Variants in WDR24 observed in about 807,000 individuals in gnomAD.
WDR24 encodes the protein GATOR2 complex protein WDR24.
WDR24 carries 32 observed loss-of-function variants against 66.7 expected under a neutral mutation model. That is an observed-to-expected ratio of 0.48 (90% confidence interval 0.36 to 0.64). WDR24 has a LOEUF of 0.64. Among genes scored for constraint, WDR24 ranks in the 30% least tolerant of loss-of-function variants. The pLI is 0.00. For synonymous variants in WDR24, 565 were observed against 469.1 expected, an observed-to-expected ratio of 1.20 and a Z score of -2.64; for missense variants, 978 against 1,144.1, an observed-to-expected ratio of 0.85 and a Z score of 2.09.
chr16:687,498 C>T, intron 2 of WDR24, 64 bp downstream of exon 2: 1 of 1,592,706 alleles, frequency 6.3e-7, no homozygotes, highest in Non-Finnish European at 8.6e-7. Flanking sequence ...TCCGGACTGT[C>T]TCATGGATCT....
chr16:687,334 C>T lies in WDR24; in HGVS notation c.742G>A (p.Val248Met), dbSNP rs748211217. ...CGGGCCACCGAGGCGATGGTCTGCA[C>T]ACAGTGCATCTCCTTGGCACGGTGC... ...TTHRAKEMHC[V>M]QTIASVARVK... Residue 248 changes from valine (V) to methionine (M), a missense_variant, in exon 3 of 9, where the codon GTG becomes ATG. Physicochemically the swap from Val to Met is conservative, Grantham distance 21 (BLOSUM62 1). Around this residue, in one of 2 missense-constraint regions of WDR24, gnomAD observed 302 missense variants for 526.6 expected, o/e 0.57. Coordinates refer to ENST00000293883, the MANE Select transcript of WDR24 (RefSeq NM_032259.4). 5 of 1,609,682 alleles carry T rather than the reference C, an allele frequency of 3.1e-6. No individual in the cohort carries two copies. The highest frequency in any genetic ancestry group is 4.2e-6 in the Non-Finnish European group (5 of 1,178,804).
chr16:688,167 T>G, intron 1 of WDR24: 1 of 439,594 alleles, frequency 2.3e-6, no homozygotes, highest in Non-Finnish European at 4.6e-6. Flanking sequence ...GAGCTGGAAC[T>G]GCCTGGTCAG....
In WDR24 at chr16:684,735, CAGG is replaced by C. The variant is rs2039863245; in HGVS notation, c.2369_2371del (p.Ser790del). The C allele has an allele frequency of 6.3e-7, 1 of 1,592,362 alleles. No homozygotes were observed. Among genetic ancestry groups the C allele is most frequent in the Non-Finnish European group, 8.5e-7 (1 of 1,170,148 alleles). The stretch of plus-strand genomic sequence containing the variant: ...CGGGCAAGCCCAGCAGATGCCCCGT[CAGG>C]AGTACTCGCAGAGGTGGCCGCAGCC... On this transcript the variant is annotated inframe_deletion, in exon 9 of 9. Coordinates refer to ENST00000293883, the MANE Select transcript of WDR24 (RefSeq NM_032259.4).
chr16:685,221 C>A (rs760598918), intron 7 of WDR24, 36 bp downstream of exon 7: 3 of 1,595,890 alleles, frequency 1.9e-6, no homozygotes, highest in Non-Finnish European at 2.6e-6. Context: ...GTGCCAGGGG[C>A]GGCGCTGCAG....
rs546343586 is a variant in WDR24 at position 689,092 on chromosome 16, C to G, written c.481+68G>C. The G allele has an allele frequency of 1.9e-6, 3 of 1,581,100 alleles. No individual in the cohort carries two copies. The African/African-American group carries it at 4.0e-5, about 21-fold the overall frequency. ...GCCTCTGATGCACGGAGCCCTTTTC[C>G]GCCTGCATGGACAGGCTGGGCACCG... On this transcript the variant is annotated intron_variant, in intron 1 of 8. Transcript: ENST00000293883.
chr16:688,743 C>G lies in WDR24; in HGVS notation c.481+417G>C, dbSNP rs373268574. Among the ~76,000 whole-genome samples, 16 of 152,380 alleles carry G rather than the reference C, an allele frequency of 1.1e-4. No homozygotes were observed. In the East Asian group the frequency reaches 2.1e-3, roughly 20 times the overall value. On this transcript the variant is annotated intron_variant, in intron 1 of 8. Transcript: ENST00000293883. ...CTGTTAGGAAAAGGGCCCCAGGGCACTGGACAGCAAACCCACCTCCTCTGC... is the reference window on the plus strand; with the variant it reads ...CTGTTAGGAAAAGGGCCCCAGGGCAGTGGACAGCAAACCCACCTCCTCTGC...
intron 1 of WDR24, 51 bp downstream of exon 1, chr16:689,109 T>C (rs749136795): frequency 1.3e-6 from 2 of 1,597,980 alleles, no homozygotes; most frequent in African/African-American, 2.7e-5. Context: ...ATGGACAGGC[T>C]GGGCACCGGC....
chr16:687,065 G>A lies in WDR24; in HGVS notation c.1011C>T (p.Arg337=), dbSNP rs762172809. Residue 337 remains arginine, a synonymous_variant, in exon 3 of 9, where the codon CGC becomes CGT. Coordinates refer to ENST00000293883, the MANE Select transcript of WDR24 (RefSeq NM_032259.4). ...LFRDASQPVE[R]ANPEGLCYGL... Reference sequence around the variant, plus strand: ...CGTAGCAGAGGCCCTCAGGGTTGGCGCGCTCGACGGGCTGGCTGGCGTCGC... The same window carrying A: ...CGTAGCAGAGGCCCTCAGGGTTGGCACGCTCGACGGGCTGGCTGGCGTCGC... 3.2e-5 allele frequency: 52 copies of A among 1,605,544 alleles called. No homozygotes were observed. Among genetic ancestry groups the A allele is most frequent in the South Asian group, 5.5e-5 (5 of 90,844 alleles).
intron 1 of WDR24, 62 bp downstream of exon 1, chr16:689,098 C>A: frequency 6.3e-7 from 1 of 1,589,710 alleles, no homozygotes; most frequent in Non-Finnish European, 8.6e-7. Context: ...TTTCCGCCTG[C>A]ATGGACAGGC....
Position 686,288 on chromosome 16 carries a change from C to T in WDR24, c.1333-102G>A, listed in dbSNP as rs892381994. On this transcript the variant is annotated intron_variant, in intron 3 of 8. Transcript: ENST00000293883. ...TCACAAGCCCTCAGCATTCAGCTGC[C>T]CTCAGTACCCAATGTCCAGGCCCAC... The T allele has an allele frequency of 3.8e-6, 5 of 1,333,326 alleles. No homozygotes were observed. In the African/African-American group the frequency reaches 5.8e-5, roughly 16 times the overall value. The allele number at this position is 1,333,326 out of a possible 1,614,324, so 82.6% of individuals were successfully genotyped here.
intron 1 of WDR24, 83 bp from the exon 2 acceptor site, chr16:687,822 C>T (rs1247535996): frequency 6.6e-7 from 1 of 1,519,074 alleles, no homozygotes; most frequent in East Asian, 2.4e-5. Context: ...CATGGTGTCA[C>T]ACACCTGCCT....
At position 689,873 on chromosome 16, in the gene WDR24, G is replaced by A. The variant is rs1204148198; in HGVS notation, c.-233C>T. On this transcript the variant is annotated 5_prime_UTR_variant, in exon 1 of 9. Transcript: ENST00000293883. ...CAGTCCAGCCCATCACCCTGGCTGA[G>A]CGGTGAGGGGACTTCCTAGCTTCCC... 2.2e-5 allele frequency: 16 copies of A among 738,700 alleles called. No individual in the cohort carries two copies. The highest frequency in any genetic ancestry group is 3.3e-5 in the Non-Finnish European group (14 of 421,020). The allele number at this position is 738,700 out of a possible 1,614,324, so 45.8% of individuals were successfully genotyped here.
Position 685,911 on chromosome 16 carries a change from T to C in WDR24, c.1531A>G (p.Thr511Ala). The C allele has an allele frequency of 6.2e-7, 1 of 1,613,004 alleles. No homozygotes were observed. The highest frequency in any genetic ancestry group is 8.5e-7 in the Non-Finnish European group (1 of 1,179,966). ...DRSKGDARSD[T>A]VLLDSSATLI... ...GTGGCCGAGGAGTCGAGCAGAACTG[T>C]GTCGCTCCGTGCATCTCCTTTGCTG... The change falls in exon 5 of 9, where the codon ACA becomes GCA. Residue 511 changes from threonine to alanine, a missense_variant. By Grantham distance (58) the Thr-to-Ala change is moderately conservative. Coordinates refer to ENST00000293883, the MANE Select transcript of WDR24 (RefSeq NM_032259.4).
At position 685,612 on chromosome 16, in the gene WDR24, C is replaced by G. The variant is rs1280044532; in HGVS notation, c.1679-15G>C. The G allele has an allele frequency of 1.2e-6, 2 of 1,604,896 alleles. No individual in the cohort carries two copies. Among genetic ancestry groups the G allele is most frequent in the Non-Finnish European group, 1.7e-6 (2 of 1,176,236 alleles). On this transcript the variant is annotated splice_polypyrimidine_tract_variant and intron_variant, in intron 6 of 8. Transcript: ENST00000293883. ...AGGGTCCTCGGCTGGAAGGCAGGGACCAGCGGAGGCTCTGAGTCTGTCCTC... is the reference window on the plus strand; with the variant it reads ...AGGGTCCTCGGCTGGAAGGCAGGGAGCAGCGGAGGCTCTGAGTCTGTCCTC...
chr16:687,415 C>A lies in WDR24; in HGVS notation c.661G>T (p.Gly221Cys). The part of the protein sequence containing the change: ...FCCDWHPEDR[G>C]WLATGGRDKM... ...TCGCGCCCTCCAGTGGCCAACCAGCCCCTGTGGGAAGAAGGTCCACCCAAA... is the reference window on the plus strand; with the variant it reads ...TCGCGCCCTCCAGTGGCCAACCAGCACCTGTGGGAAGAAGGTCCACCCAAA... Residue 221 changes from glycine to cysteine, a missense_variant and splice_region_variant, in exon 3 of 9, where the codon GGC becomes TGC. Gly to Cys is a radical substitution (Grantham distance 159, BLOSUM62 -3). Around this residue, in one of 2 missense-constraint regions of WDR24, gnomAD observed 302 missense variants for 526.6 expected, o/e 0.57. Transcript: ENST00000293883. 1 of 1,584,222 alleles carries A rather than the reference C, an allele frequency of 6.3e-7. No individual in the cohort carries two copies. The highest frequency in any genetic ancestry group is 1.1e-5 in the South Asian group (1 of 89,138).
intron 1 of WDR24, among the ~76,000 whole-genome samples, chr16:688,369 C>T (rs1011439905): frequency 1.3e-5 from 2 of 152,206 alleles, no homozygotes; most frequent in African/African-American, 4.8e-5. Flanking sequence ...CTCACTGCAA[C>T]CTCCACCTCC....
chr16:687,472 C>G (rs56839443), intron 2 of WDR24, 56 bp from the exon 3 acceptor site: 61,241 of 1,570,700 alleles, frequency 0.039, 2,186 homozygotes, highest in African/African-American at 0.19. Flanking sequence ...GAGAGGGGAC[C>G]CCCCCGCTCT....
intron 3 of WDR24, 143 bp downstream of exon 3, chr16:686,601 C>T (rs2039910568): frequency 1.8e-6 from 2 of 1,140,720 alleles, no homozygotes; most frequent in African/African-American, 3.1e-5. Context: ...TCCTGACACC[C>T]TCAGCTACCA....
intron 5 of WDR24, 28 bp from the exon 6 acceptor site, chr16:685,811 G>T (rs923756178): frequency 1.2e-5 from 19 of 1,612,932 alleles, no homozygotes; most frequent in African/African-American, 2.7e-5. Flanking sequence ...GGGCATTCAG[G>T]GTCGTCTGGG....
Sources: gnomAD v4.1 joint callset for allele counts (sites outside exome capture counted in the v4.1 genomes callset) on GRCh38, gnomAD v4.1.1 for gene constraint, gnomAD v4.1.1 regional missense constraint, MANE v1.5 for transcripts, NCBI Gene and HGNC (gene_info 2026-07-23, HGNC 2026-07-21) for gene names.